Variants in SYNJ2 observed in about 807,000 individuals in gnomAD.
SYNJ2 encodes polyphosphatidylinositol phosphatase SYNJ2.
SYNJ2 carries 116 observed loss-of-function variants against 141.3 expected under a neutral mutation model. The ratio of observed to expected loss-of-function variants is 0.82; its 90% CI spans 0.71 to 0.96. SYNJ2 has a LOEUF of 0.96. SYNJ2 is among the 40% of genes least tolerant of loss of function. The probability of loss-of-function intolerance (pLI) is 0.00; values close to 1 mark genes in which losing one functional copy is unlikely to be tolerated. For synonymous variants in SYNJ2, 745 were observed against 777.7 expected (o/e 0.96, Z 0.70); for missense variants, 1,873 against 1,934.8 (o/e 0.97, Z 0.60).
At chr6:158,038,618 A>G (rs1218811362) in intron 4 of SYNJ2, among the ~76,000 whole-genome samples, 1 of 152,232 alleles carries the variant, frequency 6.6e-6, no homozygotes, top group African/African-American at 2.4e-5. Flanking sequence ...CGCTGAGTCC[A>G]GGGCTGTCCA....
chr6:158,026,649 C>T (rs946504183), intron 2 of SYNJ2, among the ~76,000 whole-genome samples: 4 of 152,170 alleles, frequency 2.6e-5, no homozygotes, highest in African/African-American at 7.2e-5. Flanking sequence ...GGGACTGTTG[C>T]CAGGCACTCA....
chr6:158,068,152 A>C (rs902302307), intron 12 of SYNJ2, among the ~76,000 whole-genome samples: 1 of 151,920 alleles, frequency 6.6e-6, no homozygotes, highest in African/African-American at 2.4e-5. Context: ...AAAAAAAAAA[A>C]AAAAAAAGCT....
intron 18 of SYNJ2, chr6:158,079,409 G>C (rs1782534028): frequency 6.8e-6 from 1 of 147,586 alleles, no homozygotes; most frequent in Non-Finnish European, 1.5e-5. Flanking sequence ...TTGAGACAGA[G>C]TCCTCCAGGC....
At chr6:158,088,250 T>G (rs1340792613) in intron 23 of SYNJ2, among the ~76,000 whole-genome samples, 1 of 151,878 alleles carries the variant, frequency 6.6e-6, no homozygotes, top group Non-Finnish European at 1.5e-5. Flanking sequence ...ATTTATTTAT[T>G]TTGTAGAGAC....
intron 16 of SYNJ2, among the ~76,000 whole-genome samples, chr6:158,076,014 G>A (rs1166735007): frequency 6.6e-6 from 1 of 152,064 alleles, no homozygotes; most frequent in Non-Finnish European, 1.5e-5. Flanking sequence ...AACATAGGGA[G>A]ACTTTGTCTC....
At position 158,064,988 on chromosome 6, in the gene SYNJ2, C is replaced by G. The variant is rs1344305520; in HGVS notation, c.1522C>G (p.Leu508Val). The change falls in exon 11 of 27, where the codon CTG becomes GTG. Residue 508 changes from leucine (L) to valine (V), a missense_variant. By Grantham distance (32) the Leu-to-Val change is conservative (BLOSUM62 1). Coordinates refer to ENST00000355585, the MANE Select transcript of SYNJ2 (RefSeq NM_003898.4). ...CATGCTGCTGGACAGCACGGCGCTC[C>G]TGGGTAGGGCCTGCCGCAGACAGGG... ...GGMLLDSTAL[L>V]VTPRILKAMT... 1 of 1,564,274 alleles carries G rather than the reference C, an allele frequency of 6.4e-7. No homozygotes were observed. The highest frequency in any genetic ancestry group is 8.7e-7 in the Non-Finnish European group (1 of 1,153,260).
intron 7 of SYNJ2, 169 bp downstream of exon 7, chr6:158,059,522 C>T: frequency 7.1e-7 from 1 of 1,406,956 alleles, no homozygotes; most frequent in South Asian, 1.6e-5. Context: ...TGCTCAGTGA[C>T]TCGGGCCCTG....
chr6:158,071,678 C>T lies in SYNJ2; in HGVS notation c.2017C>T (p.Gln673Ter). 1 of 1,614,148 alleles carries T rather than the reference C, an allele frequency of 6.2e-7. No individual in the cohort carries two copies. Among genetic ancestry groups the T allele is most frequent in the Non-Finnish European group, 8.5e-7 (1 of 1,180,040 alleles). ...GNKGAVGIRF[Q>*]FHSTSFCFIC... ...CAAGGGCGCCGTCGGCATCCGCTTC[C>T]AGTTCCACAGCACCAGCTTCTGCTT... is the stretch of plus-strand genomic sequence containing the variant. Residue 673 changes from glutamine to a stop codon, truncating the protein, a stop_gained, in exon 15 of 27, where the codon CAG becomes TAG. Coordinates refer to ENST00000355585, the MANE Select transcript of SYNJ2 (RefSeq NM_003898.4). LOFTEE classifies it high-confidence loss of function. The surrounding 1 kb of genome is among the most constrained non-coding windows in gnomAD (Gnocchi z 4.3).
At chr6:158,046,175 A>T (rs1780226293) in intron 5 of SYNJ2, among the ~76,000 whole-genome samples, 1 of 151,784 alleles carries the variant, frequency 6.6e-6, no homozygotes, top group Non-Finnish European at 1.5e-5. Context: ...TGAACTTCTG[A>T]CCTCAAGTGA....
intron 12 of SYNJ2, 81 bp downstream of exon 12, chr6:158,066,716 G>A (rs912008108): frequency 1.4e-5 from 21 of 1,504,478 alleles, no homozygotes; most frequent in South Asian, 4.6e-5. Flanking sequence ...AGTGGCCATC[G>A]TCTTGTGGAA....
At chr6:158,056,503 G>A (rs563776641) in intron 6 of SYNJ2, among the ~76,000 whole-genome samples, 5 of 152,316 alleles carry the variant, frequency 3.3e-5, no homozygotes, top group East Asian at 1.9e-4. Context: ...GAGCCCTCCC[G>A]TTCCCTTGCA....
intron 26 of SYNJ2, 79 bp from the exon 27 acceptor site, chr6:158,095,539 G>A (rs952511145): frequency 7.4e-6 from 11 of 1,494,494 alleles, no homozygotes; most frequent in Admixed American, 2.3e-5. Flanking sequence ...TCTGTTCTCT[G>A]CTGGCCACTC....
At chr6:158,063,114 G>A (rs1781326300) in intron 8 of SYNJ2, among the ~76,000 whole-genome samples, 1 of 152,328 alleles carries the variant, frequency 6.6e-6, no homozygotes, top group South Asian at 2.1e-4. Context: ...TGATAAAAAT[G>A]TGACCAGAGG....
intron 5 of SYNJ2, among the ~76,000 whole-genome samples, chr6:158,051,294 A>T (rs1780550353): frequency 1.3e-5 from 2 of 152,116 alleles, no homozygotes; most frequent in African/African-American, 4.8e-5. Context: ...GACCACACAG[A>T]GCAGGTAGCC....
rs1190865182 is a variant in SYNJ2 at position 158,084,087 on chromosome 6, C to T, written c.3121C>T (p.Leu1041Phe). The change falls in exon 22 of 27, where the codon CTC becomes TTC. Residue 1041 changes from leucine to phenylalanine, a missense_variant. By Grantham distance (22) the Leu-to-Phe change is conservative. Coordinates refer to ENST00000355585, the MANE Select transcript of SYNJ2 (RefSeq NM_003898.4). The surrounding 1 kb of genome is among the most constrained non-coding windows in gnomAD (Gnocchi z 5.0). Reference sequence around the variant, plus strand: ...GGACAGTGAACTCGGGGGAGACGACCTCTCTGATGTCCCCGGCCCCACAGC... The same window carrying T: ...GGACAGTGAACTCGGGGGAGACGACTTCTCTGATGTCCCCGGCCCCACAGC... ...VSDSELGGDD[L>F]SDVPGPTALA... 1.9e-6 allele frequency: 3 copies of T among 1,614,138 alleles called. No individual in the cohort carries two copies. Among genetic ancestry groups the T allele is most frequent in the Non-Finnish European group, 2.5e-6 (3 of 1,180,006 alleles).
rs138333526 is a variant in SYNJ2 at position 158,063,869 on chromosome 6, C to G, written c.1206C>G (p.Leu402=). ...RTNTVQSFIA[L]EVLHLQLKTL... Reference sequence around the variant, plus strand: ...ACACTGTGCAGAGCTTCATCGCGCTCGAGGTGCGTCCCTGCCACAGCCTTT... The same window carrying G: ...ACACTGTGCAGAGCTTCATCGCGCTGGAGGTGCGTCCCTGCCACAGCCTTT... Residue 402 remains leucine (L), a synonymous_variant, in exon 9 of 27, where the codon CTC becomes CTG. Coordinates refer to ENST00000355585, the MANE Select transcript of SYNJ2 (RefSeq NM_003898.4). 6.2e-7 allele frequency: 1 copy of G among 1,613,330 alleles called. No homozygotes were observed. The highest frequency in any genetic ancestry group is 1.3e-5 in the African/African-American group (1 of 75,004).
chr6:158,022,467 C>T (rs1021640649), intron 2 of SYNJ2, among the ~76,000 whole-genome samples: 2 of 152,212 alleles, frequency 1.3e-5, no homozygotes, highest in Non-Finnish European at 2.9e-5. Flanking sequence ...TGGCTCTTGC[C>T]TCCCTCCACC....
chr6:158,062,904 C>T (rs769997351), intron 8 of SYNJ2, among the ~76,000 whole-genome samples: 4 of 152,104 alleles, frequency 2.6e-5, no homozygotes, highest in Non-Finnish European at 5.9e-5. Context: ...AAGCAGTGTG[C>T]CGAAGAGCTG....
intron 1 of SYNJ2, among the ~76,000 whole-genome samples, chr6:158,013,961 A>G (rs1217243684): frequency 6.6e-6 from 1 of 152,218 alleles, no homozygotes. Flanking sequence ...GTGTTAACGA[A>G]TCAACACTGT....
Sources: gnomAD v4.1 joint callset for allele counts (sites outside exome capture counted in the v4.1 genomes callset) on GRCh38, gnomAD v4.1.1 for gene constraint, Gnocchi (gnomAD v3.1) non-coding constraint, MANE v1.5 for transcripts, NCBI Gene and HGNC (gene_info 2026-07-23, HGNC 2026-07-21) for gene names.